GLIS3: variants seen among roughly 807,000 people sequenced by gnomAD.
GLIS3 encodes GLIS family zinc finger 3.
A neutral mutation model predicts 78.6 loss-of-function variants in GLIS3; 53 were observed. The observed-to-expected ratio is 0.67, with a 90% CI of 0.54 to 0.85. The LOEUF (loss-of-function observed/expected upper bound fraction) is 0.85, where lower values mean the gene tolerates loss of function less well. GLIS3 is among the 40% of genes least tolerant of loss of function. The pLI, the probability that GLIS3 is intolerant of heterozygous loss-of-function variation, is 0.00. For synonymous variants in GLIS3, 684 were observed against 509.9 expected, an observed-to-expected ratio of 1.34 and a Z score of -4.60; for missense variants, 1,703 against 1,231.1, an observed-to-expected ratio of 1.38 and a Z score of -5.74.
At chr9:4,109,668 G>T (rs757311919) in intron 4 of GLIS3, among the ~76,000 whole-genome samples, 1 of 152,094 alleles carries the variant, frequency 6.6e-6, no homozygotes, top group African/African-American at 2.4e-5. Context: ...GACTAGATTT[G>T]CATTTATATT....
chr9:4,311,480 G>A (rs1817356205), intron 2 of GLIS3, among the ~76,000 whole-genome samples: 1 of 152,140 alleles, frequency 6.6e-6, no homozygotes. Flanking sequence ...ACTCTGAGAA[G>A]CAGTCCACAA....
chr9:4,268,062 C>T (rs542031095), intron 2 of GLIS3, among the ~76,000 whole-genome samples: 164 of 152,242 alleles, frequency 1.1e-3, no homozygotes, highest in Non-Finnish European at 1.9e-3. Flanking sequence ...CGCACACACA[C>T]ACACACTCAC....
At chr9:4,206,559 C>A (rs1422874322) in intron 2 of GLIS3, among the ~76,000 whole-genome samples, 1 of 152,302 alleles carries the variant, frequency 6.6e-6, no homozygotes, top group East Asian at 1.9e-4. Flanking sequence ...CTACAATATT[C>A]CCTGATCTCT....
chr9:4,089,427 C>A (rs778172530), intron 4 of GLIS3, among the ~76,000 whole-genome samples: 5 of 151,428 alleles, frequency 3.3e-5, no homozygotes, highest in African/African-American at 9.7e-5. Flanking sequence ...TTTACATACA[C>A]GACCTTACAA....
chr9:4,363,341 T>G, the GLIS3 span, among the ~76,000 whole-genome samples: 8 of 152,174 alleles, frequency 5.3e-5, no homozygotes, highest in East Asian at 9.6e-4. Flanking sequence ...TAGAATTGCT[T>G]GAATCCCTGA....
the GLIS3 span, among the ~76,000 whole-genome samples, chr9:4,405,867 C>A: frequency 1.3e-5 from 2 of 152,060 alleles, no homozygotes. Context: ...AAAGATCATT[C>A]ATTATGATCA....
intron 1 of GLIS3, among the ~76,000 whole-genome samples, chr9:4,295,406 T>C (rs1816391206): frequency 6.6e-6 from 1 of 152,214 alleles, no homozygotes; most frequent in South Asian, 2.1e-4. Flanking sequence ...TCATATTAAG[T>C]AATGCCTCAC....
intron 2 of GLIS3, among the ~76,000 whole-genome samples, chr9:4,215,621 A>C (rs549898923): frequency 2.0e-5 from 3 of 152,318 alleles, no homozygotes; most frequent in African/African-American, 4.8e-5. Context: ...TATTCCACAG[A>C]ATCATCTTTC....
chr9:3,834,950 T>G (rs111631039), intron 9 of GLIS3, among the ~76,000 whole-genome samples: 1 of 152,168 alleles, frequency 6.6e-6, no homozygotes, highest in South Asian at 2.1e-4. Context: ...TAGCTCTCCA[T>G]GTGCACCAGG....
At chr9:4,243,161 C>T (rs965601619) in intron 2 of GLIS3, among the ~76,000 whole-genome samples, 3 of 152,178 alleles carry the variant, frequency 2.0e-5, no homozygotes, top group African/African-American at 4.8e-5. Flanking sequence ...CACCTTAATC[C>T]GATTTTGGTA....
chr9:4,053,945 T>C (rs1825934231), intron 4 of GLIS3, among the ~76,000 whole-genome samples: 4 of 152,230 alleles, frequency 2.6e-5, no homozygotes, highest in Admixed American at 2.6e-4. Flanking sequence ...AGTTTTGTTC[T>C]GTTTTGTTTA....
the GLIS3 span, among the ~76,000 whole-genome samples, chr9:4,370,697 TAATA>T: frequency 0.087 from 13,143 of 151,152 alleles, 613 homozygotes; most frequent in South Asian, 0.12. Context: ...TTATATTCTG[TAATA>T]AATAAAATAT....
chr9:4,066,841 C>T lies in GLIS3; in HGVS notation c.1710+50927G>A, dbSNP rs184773458. Among the ~76,000 whole-genome samples the T allele has an allele frequency of 4.1e-4, 63 of 152,278 alleles. 1 individual carries two copies. In the East Asian group the frequency reaches 8.9e-3, roughly 21 times the overall value. On this transcript the variant is annotated intron_variant, in intron 4 of 10. Coordinates refer to ENST00000381971, the MANE Select transcript of GLIS3 (RefSeq NM_001042413.2). The stretch of plus-strand genomic sequence containing the variant: ...TGCACTGCTGCAGCAGCATGTGGGA[C>T]GCCCAGTGGCACTTACGGTGCAACA...
the GLIS3 span, among the ~76,000 whole-genome samples, chr9:4,358,250 A>G: frequency 1.3e-5 from 2 of 152,156 alleles, no homozygotes; most frequent in Admixed American, 1.3e-4. Context: ...GTAACAAGGA[A>G]TTCTGCTTTT....
At chr9:4,404,415 T>A in the GLIS3 span, among the ~76,000 whole-genome samples, 1 of 152,162 alleles carries the variant, frequency 6.6e-6, no homozygotes, top group Non-Finnish European at 1.5e-5. Flanking sequence ...AGCTGCAGAA[T>A]ATACATTCTT....
chr9:3,833,048 A>G (rs1818137942), intron 9 of GLIS3, among the ~76,000 whole-genome samples: 1 of 152,228 alleles, frequency 6.6e-6, no homozygotes, highest in African/African-American at 2.4e-5. Flanking sequence ...GTGATGTGGC[A>G]AAATACACCT....
intron 2 of GLIS3, among the ~76,000 whole-genome samples, chr9:4,149,936 G>A (rs77161306): frequency 0.038 from 5,793 of 152,210 alleles, 335 homozygotes; most frequent in African/African-American, 0.13. Context: ...ACTACAAAAG[G>A]GATTTACTAA....
At chr9:4,031,107 A>T (rs1036574876) in intron 4 of GLIS3, among the ~76,000 whole-genome samples, 1 of 152,204 alleles carries the variant, frequency 6.6e-6, no homozygotes, top group African/African-American at 2.4e-5. Context: ...AAAAAGTTAA[A>T]TAGAATTACT....
chr9:4,273,805 CCAATCTCTTGTCTTT>C (rs1387179696), intron 2 of GLIS3, among the ~76,000 whole-genome samples: 2 of 152,066 alleles, frequency 1.3e-5, no homozygotes, highest in Non-Finnish European at 2.9e-5. Flanking sequence ...CCCAAGATCC[CCAATCTCTTGTCTTT>C]CTCAGCTTCT....
Sources: allele counts gnomAD v4.1 joint callset (sites outside exome capture counted in the v4.1 genomes callset), GRCh38; gene constraint gnomAD v4.1.1; transcripts MANE v1.5; gene names NCBI Gene and HGNC (gene_info 2026-07-23, HGNC 2026-07-21).